SGCZ: variants seen among roughly 807,000 people sequenced by gnomAD.
SGCZ encodes the protein zeta-sarcoglycan.
A neutral mutation model predicts 41.3 loss-of-function variants in SGCZ; 40 were observed. The ratio of observed to expected loss-of-function variants is 0.97; its 90% CI spans 0.75 to 1.26. The LOEUF (loss-of-function observed/expected upper bound fraction) is 1.26, where lower values mean the gene tolerates loss of function less well. SGCZ is among the 50% of genes most tolerant of loss of function. The pLI is 0.00. For synonymous variants in SGCZ, 206 were observed against 137.5 expected (o/e 1.50, Z -3.49); for missense variants, 552 against 369.8 (o/e 1.49, Z -4.04).
At chr8:14,441,984 T>C (rs1234950638) in intron 2 of SGCZ, among the ~76,000 whole-genome samples, 1 of 152,252 alleles carries the variant, frequency 6.6e-6, no homozygotes, top group Non-Finnish European at 1.5e-5. Flanking sequence ...TCATATTCTC[T>C]TACTTTTTCT....
rs112290258 is a variant in SGCZ at position 14,113,264 on chromosome 8, T to C, written c.548-5029A>G. ...AAACATCTTTTCTTCCACTTACGTA[T>C]AAAATATCTTTACTAATTTTCCCAC... On this transcript the variant is annotated intron_variant, in intron 5 of 7. Transcript: ENST00000382080. Among the ~76,000 whole-genome samples, 13 of 152,244 alleles carry C rather than the reference T, an allele frequency of 8.5e-5. 1 individual carries two copies. Among genetic ancestry groups the C allele is most frequent in the African/African-American group, 3.1e-4 (13 of 41,582 alleles).
chr8:14,548,258 T>G (rs1447709700), intron 2 of SGCZ, among the ~76,000 whole-genome samples: 2 of 152,142 alleles, frequency 1.3e-5, no homozygotes, highest in East Asian at 1.9e-4. Context: ...GGTTCATACT[T>G]TGAACCACTG....
At chr8:14,811,516 A>ATTTTTTT (rs1291833711) in intron 1 of SGCZ, among the ~76,000 whole-genome samples, 1 of 45,118 alleles carries the variant, frequency 2.2e-5, no homozygotes, top group Admixed American at 3.2e-4. Context: ...AAGACACTGC[A>ATTTTTTT]TCTTTTTTTT....
At chr8:14,543,141 G>A (rs1803521480) in intron 2 of SGCZ, among the ~76,000 whole-genome samples, 1 of 151,852 alleles carries the variant, frequency 6.6e-6, no homozygotes, top group Admixed American at 6.6e-5. Flanking sequence ...TATATTACAT[G>A]TATTTTCACA....
Position 14,090,607 on chromosome 8 carries a change from C to T in SGCZ, c.775G>A (p.Gly259Arg), listed in dbSNP as rs764778046. 9 of 1,611,908 alleles carry T rather than the reference C, an allele frequency of 5.6e-6. No homozygotes were observed. The highest frequency in any genetic ancestry group is 7.6e-6 in the Non-Finnish European group (9 of 1,179,128). ...GAGAAGGAGCCAGTTGGTAGATTTC[C>T]CAGCTTGATTGTCTCTGCATTTAAA... is the stretch of plus-strand genomic sequence containing the variant. ...IFLNAETIKL[G>R]NLPTGSFSSS... Residue 259 changes from glycine (G) to arginine (R), a missense_variant, in exon 8 of 8, where the codon GGA becomes AGA. Transcript: ENST00000382080.
chr8:14,246,681 G>A (rs560992047), intron 3 of SGCZ, among the ~76,000 whole-genome samples: 1 of 151,790 alleles, frequency 6.6e-6, no homozygotes, highest in East Asian at 1.9e-4. Flanking sequence ...GCCGAGGCGG[G>A]CAGATCACGG....
At chr8:14,705,537 T>A (rs1475584886) in intron 1 of SGCZ, among the ~76,000 whole-genome samples, 1 of 152,004 alleles carries the variant, frequency 6.6e-6, no homozygotes, top group Admixed American at 6.6e-5. Context: ...GACTCTCAAT[T>A]AATCTCATCA....
At chr8:14,701,224 A>T (rs1412134935) in intron 1 of SGCZ, among the ~76,000 whole-genome samples, 1 of 151,984 alleles carries the variant, frequency 6.6e-6, no homozygotes, top group African/African-American at 2.4e-5. Context: ...GCAGCATGGG[A>T]TTGTTCAACA....
chr8:15,017,023 G>A (rs1006585719), intron 1 of SGCZ, among the ~76,000 whole-genome samples: 2 of 152,106 alleles, frequency 1.3e-5, no homozygotes, highest in Non-Finnish European at 2.9e-5. Flanking sequence ...CCTCCCACTA[G>A]ACTCCACCTT....
intron 3 of SGCZ, among the ~76,000 whole-genome samples, chr8:14,289,520 G>C (rs985920641): frequency 2.0e-5 from 3 of 152,050 alleles, no homozygotes; most frequent in Non-Finnish European, 2.9e-5. Flanking sequence ...ATGTTGAAGA[G>C]ACTATGACTT....
intron 1 of SGCZ, among the ~76,000 whole-genome samples, chr8:15,124,069 G>T (rs1274409494): frequency 3.9e-5 from 6 of 152,128 alleles, no homozygotes; most frequent in African/African-American, 1.4e-4. Flanking sequence ...ATTTAAGTAT[G>T]GAAAAATCTT....
In SGCZ at chr8:14,548,878, T is replaced by C. The variant is rs188102735; in HGVS notation, c.234+5854A>G. Among the ~76,000 whole-genome samples the C allele has an allele frequency of 1.5e-3, 226 of 152,198 alleles. 2 individuals carry two copies. The highest frequency in any genetic ancestry group is 5.2e-3 in the African/African-American group (218 of 41,538). On this transcript the variant is annotated intron_variant, in intron 2 of 7. Transcript: ENST00000382080. ...ATTTCAATTCTTAAATGAAGAGGTA[T>C]TTGGCGGGAATTATGTCTGATTTTG... is the stretch of plus-strand genomic sequence containing the variant.
At chr8:14,957,106 T>TA (rs1161467534) in intron 1 of SGCZ, among the ~76,000 whole-genome samples, 4 of 152,180 alleles carry the variant, frequency 2.6e-5, no homozygotes, top group African/African-American at 9.6e-5. Context: ...AAGCTACTTC[T>TA]ACATAACATT....
At chr8:14,710,767 C>G (rs1475348453) in intron 1 of SGCZ, among the ~76,000 whole-genome samples, 1 of 152,034 alleles carries the variant, frequency 6.6e-6, no homozygotes, top group Non-Finnish European at 1.5e-5. Context: ...CTAATTCTTA[C>G]CTATTTTTAA....
At chr8:14,343,008 G>A (rs1310472995) in intron 2 of SGCZ, among the ~76,000 whole-genome samples, 1 of 152,184 alleles carries the variant, frequency 6.6e-6, no homozygotes, top group African/African-American at 2.4e-5. Context: ...CTGACTGAAA[G>A]GGGCCAAGGT....
At chr8:14,423,379 A>AAAAT (rs1799688314) in intron 2 of SGCZ, among the ~76,000 whole-genome samples, 1 of 152,198 alleles carries the variant, frequency 6.6e-6, no homozygotes, top group Admixed American at 6.5e-5. Context: ...TATCCATTAA[A>AAAAT]AAATAAATTT....
rs377667558 is a variant in SGCZ, at chr8:14,358,609, G to C, written c.235-34405C>G. Among the ~76,000 whole-genome samples, 16 of 152,076 alleles carry C rather than the reference G, an allele frequency of 1.1e-4. 1 individual carries two copies. The East Asian group carries it at 3.1e-3, about 29-fold the overall frequency. ...ATTAGGTTAGACAAATATCCTGTAA[G>C]GTATATATATATATTTTTTTGAGAT... On this transcript the variant is annotated intron_variant, in intron 2 of 7. Transcript: ENST00000382080.
intron 4 of SGCZ, among the ~76,000 whole-genome samples, chr8:14,189,843 T>C (rs1805033959): frequency 6.6e-6 from 1 of 152,196 alleles, no homozygotes; most frequent in African/African-American, 2.4e-5. Flanking sequence ...GTATCTGTCT[T>C]GCTCATCTCT....
At chr8:15,126,891 T>C (rs1411917283) in intron 1 of SGCZ, among the ~76,000 whole-genome samples, 1 of 152,132 alleles carries the variant, frequency 6.6e-6, no homozygotes. Context: ...GGGAAGGACA[T>C]GGAGACTGAG....
Sources: allele counts gnomAD v4.1 joint callset (sites outside exome capture counted in the v4.1 genomes callset), GRCh38; gene constraint gnomAD v4.1.1; transcripts MANE v1.5; gene names NCBI Gene and HGNC (gene_info 2026-07-23, HGNC 2026-07-21).